IL1RAPL1: variants seen among roughly 807,000 people sequenced by gnomAD.
The protein encoded by IL1RAPL1 is interleukin-1 receptor accessory protein-like 1.
A neutral mutation model predicts 48.4 loss-of-function variants in IL1RAPL1; 3 were observed. The ratio of observed to expected loss-of-function variants is 0.06; its 90% CI spans 0.03 to 0.16. The LOEUF (loss-of-function observed/expected upper bound fraction) is 0.16. Ranked by LOEUF, IL1RAPL1 falls within the 10% of genes least tolerant of loss-of-function variation. The probability of loss-of-function intolerance (pLI) is 1.00; values close to 1 mark genes in which losing one functional copy is unlikely to be tolerated. For synonymous variants in IL1RAPL1, 185 were observed against 187.7 expected (o/e 0.99, Z 0.12); for missense variants, 349 against 530.6 (o/e 0.66, Z 3.36).
At chrX:29,021,819 T>C (rs1926376696) in intron 2 of IL1RAPL1, among the ~76,000 whole-genome samples, 1 of 112,079 alleles carries the variant, frequency 8.9e-6, no homozygotes, top group Non-Finnish European at 1.9e-5. Flanking sequence ...GCTTCCCTTT[T>C]CTTCCTTTCA....
intron 1 of IL1RAPL1, among the ~76,000 whole-genome samples, chrX:28,676,625 C>G (rs748566435): frequency 9.2e-6 from 1 of 108,869 alleles, no homozygotes; most frequent in Non-Finnish European, 1.9e-5. Flanking sequence ...CTCAGCTACT[C>G]GGGAGGCTGA....
chrX:29,480,203 G>T (rs111289038), intron 5 of IL1RAPL1, among the ~76,000 whole-genome samples: 4 of 105,605 alleles, frequency 3.8e-5, no homozygotes, highest in African/African-American at 1.4e-4. Flanking sequence ...ACTCCATTTA[G>T]TACTGTCAAT....
chrX:29,927,704 C>T (rs1265636864), intron 8 of IL1RAPL1, among the ~76,000 whole-genome samples: 1 of 111,702 alleles, frequency 9.0e-6, no homozygotes, highest in Non-Finnish European at 1.9e-5. Context: ...TAGGTTGAAT[C>T]TCAGCCTATG....
chrX:29,622,884 A>C (rs1924504309), intron 5 of IL1RAPL1, among the ~76,000 whole-genome samples: 1 of 111,352 alleles, frequency 9.0e-6, no homozygotes, highest in South Asian at 3.7e-4. Context: ...TATATAGAAT[A>C]TGAATATCTT....
intron 5 of IL1RAPL1, among the ~76,000 whole-genome samples, chrX:29,430,742 A>G (rs1934412611): frequency 1.8e-5 from 2 of 109,949 alleles, no homozygotes; most frequent in Non-Finnish European, 3.8e-5. Flanking sequence ...ATATATTTGT[A>G]TTTCGTGTGT....
chrX:29,685,789 G>A (rs942799810), intron 6 of IL1RAPL1, among the ~76,000 whole-genome samples: 28 of 108,713 alleles, frequency 2.6e-4, no homozygotes, highest in Middle Eastern at 4.8e-3. Flanking sequence ...GTTCGAGACC[G>A]GCCTGGCCAA....
intron 1 of IL1RAPL1, among the ~76,000 whole-genome samples, chrX:28,685,569 C>T (rs1569151610): frequency 8.9e-6 from 1 of 112,033 alleles, no homozygotes; most frequent in Non-Finnish European, 1.9e-5. Context: ...ACTCACATTT[C>T]ATCAATTCTA....
At chrX:29,120,016 G>A (rs1928750028) in intron 2 of IL1RAPL1, among the ~76,000 whole-genome samples, 3 of 111,112 alleles carry the variant, frequency 2.7e-5, no homozygotes, top group African/African-American at 9.8e-5. Context: ...ATTCCACCCC[G>A]CTCTGGCCAT....
At chrX:29,572,477 C>G (rs1199359100) in intron 5 of IL1RAPL1, among the ~76,000 whole-genome samples, 1 of 112,080 alleles carries the variant, frequency 8.9e-6, no homozygotes, top group Non-Finnish European at 1.9e-5. Context: ...AATGGTGTTG[C>G]CTAAGAATTG....
At chrX:29,177,279 T>C (rs1378306348) in intron 2 of IL1RAPL1, among the ~76,000 whole-genome samples, 1 of 112,171 alleles carries the variant, frequency 8.9e-6, no homozygotes, top group African/African-American at 3.2e-5. Context: ...CTTGTTTTAT[T>C]GGCTCATTTT....
intron 6 of IL1RAPL1, among the ~76,000 whole-genome samples, chrX:29,823,939 G>A (rs758541783): frequency 9.0e-6 from 1 of 111,573 alleles, no homozygotes; most frequent in African/African-American, 3.3e-5. Context: ...TTTTGATATC[G>A]TCAAAATGTG....
intron 5 of IL1RAPL1, among the ~76,000 whole-genome samples, chrX:29,569,720 A>G (rs182328701): frequency 1.2e-3 from 132 of 111,839 alleles, no homozygotes; most frequent in African/African-American, 4.1e-3. Flanking sequence ...TTTGCCTTGC[A>G]ACTACTTATG....
chrX:29,747,413 TC>T (rs1264624679), intron 6 of IL1RAPL1, among the ~76,000 whole-genome samples: 4 of 112,669 alleles, frequency 3.6e-5, no homozygotes, highest in Non-Finnish European at 5.6e-5. Flanking sequence ...ATACCATTAT[TC>T]CATTGGCCTG....
intron 6 of IL1RAPL1, among the ~76,000 whole-genome samples, chrX:29,903,217 TTC>T (rs1259320838): frequency 4.0e-5 from 4 of 98,857 alleles, no homozygotes; most frequent in South Asian, 4.0e-4. Context: ...AAAGAAATTC[TTC>T]TCTTTTTTCA....
chrX:29,949,254 C>T (rs555525591), intron 9 of IL1RAPL1, among the ~76,000 whole-genome samples: 12 of 111,740 alleles, frequency 1.1e-4, no homozygotes, highest in African/African-American at 2.6e-4. Flanking sequence ...TATTTGTTAA[C>T]GCCACAGAGT....
intron 1 of IL1RAPL1, among the ~76,000 whole-genome samples, chrX:28,660,102 T>TGTGTG (rs1934803719): frequency 2.6e-5 from 2 of 76,405 alleles, no homozygotes; most frequent in South Asian, 1.2e-3. Context: ...TGTGTGTGTG[T>TGTGTG]GTGTGTGTGT....
chrX:29,835,640 G>A (rs1930976648), intron 6 of IL1RAPL1, among the ~76,000 whole-genome samples: 1 of 110,729 alleles, frequency 9.0e-6, no homozygotes, highest in South Asian at 3.8e-4. Context: ...TCAAGTCCTG[G>A]GCTTTTCTCT....
chrX:29,400,570 T>G, intron 5 of IL1RAPL1, among the ~76,000 whole-genome samples: 1 of 112,182 alleles, frequency 8.9e-6, no homozygotes, highest in African/African-American at 3.2e-5. Context: ...CTTGTAAAAC[T>G]TATATAGAAA....
chrX:29,071,792 G>A (rs6526833), intron 2 of IL1RAPL1, among the ~76,000 whole-genome samples: 25,220 of 110,849 alleles, frequency 0.23, 2,551 homozygotes, highest in African/African-American at 0.39. Context: ...TATCAGAGTT[G>A]GCACATGTCA....
Sources: gnomAD v4.1 joint callset for allele counts (sites outside exome capture counted in the v4.1 genomes callset) on GRCh38, gnomAD v4.1.1 for gene constraint, MANE v1.5 for transcripts, NCBI Gene and HGNC (gene_info 2026-07-23, HGNC 2026-07-21) for gene names.